NBEAL2: variants seen among roughly 807,000 people sequenced by gnomAD.
The protein encoded by NBEAL2 is neurobeachin-like protein 2.
A neutral mutation model predicts 299.8 loss-of-function variants in NBEAL2; 160 were observed. That is an observed-to-expected ratio of 0.53 (90% CI 0.47 to 0.61). The LOEUF (loss-of-function observed/expected upper bound fraction) is 0.61. NBEAL2 is among the 20% of genes least tolerant of loss of function. NBEAL2 has a pLI of 0.00. For synonymous variants in NBEAL2, 1,493 were observed against 1,542.3 expected, an observed-to-expected ratio of 0.97 and a Z score of 0.75; for missense variants, 3,112 against 3,649.0, an observed-to-expected ratio of 0.85 and a Z score of 3.79.
intron 52 of NBEAL2, 36 bp downstream of exon 52, chr3:47,008,704 G>A (rs2037652268): frequency 1.9e-6 from 3 of 1,610,994 alleles, no homozygotes; most frequent in Admixed American, 1.7e-5. Context: ...GGCCCCTGAA[G>A]GTGGTGGTCA....
chr3:46,992,824 T>A (rs944462829), intron 10 of NBEAL2, among the ~76,000 whole-genome samples: 1 of 152,224 alleles, frequency 6.6e-6, no homozygotes, highest in Non-Finnish European at 1.5e-5. Flanking sequence ...CTCAGCCACC[T>A]ACCTCATTTC....
intron 52 of NBEAL2, 30 bp from the exon 53 acceptor site, chr3:47,008,959 A>C: frequency 6.3e-7 from 1 of 1,598,382 alleles, no homozygotes; most frequent in South Asian, 1.1e-5. Flanking sequence ...TTGCAGTCGC[A>C]AGTTGGTGTA....
chr3:46,990,356 C>T (rs1005101453), intron 6 of NBEAL2, among the ~76,000 whole-genome samples: 10 of 152,192 alleles, frequency 6.6e-5, no homozygotes, highest in African/African-American at 2.2e-4. Flanking sequence ...CCATCATATC[C>T]CTTGATGTCA....
intron 13 of NBEAL2, 36 bp downstream of exon 13, chr3:46,995,669 G>A (rs781386179): frequency 6.2e-7 from 1 of 1,609,250 alleles, no homozygotes; most frequent in Admixed American, 1.7e-5. Context: ...CCTCCTGCCA[G>A]GGTGAGCAGG....
At chr3:47,002,326 C>T (rs933842817) in intron 31 of NBEAL2, 38 bp downstream of exon 31, 5 of 1,601,642 alleles carry the variant, frequency 3.1e-6, no homozygotes, top group Non-Finnish European at 4.3e-6. Flanking sequence ...GGAGTGGGGG[C>T]TGGGGCCCAC....
chr3:46,997,403 G>A lies in NBEAL2; in HGVS notation c.2794G>A (p.Gly932Ser). 6.2e-7 allele frequency: 1 copy of A among 1,610,934 alleles called. No homozygotes were observed. Among genetic ancestry groups the A allele is most frequent in the Non-Finnish European group, 8.5e-7 (1 of 1,179,188 alleles). ...ACTGACCTCTGGTCACAACACCCAG[G>A]GCCTGGTTCTCCCATTGGGTAAATC... ...PELTSGHNTQ[G>S]LVLPLGKSSE... is the part of the protein sequence containing the mutation. The change falls in exon 19 of 54, where the codon GGC (glycine) becomes AGC (serine). Residue 932 changes from glycine to serine, a missense_variant. Transcript: ENST00000450053.
chr3:47,003,284 G>A lies in NBEAL2; in HGVS notation c.5695G>A (p.Asp1899Asn). The A allele has an allele frequency of 1.9e-6, 3 of 1,612,990 alleles. No homozygotes were observed. Among genetic ancestry groups the A allele is most frequent in the South Asian group, 1.1e-5 (1 of 91,084 alleles). ...GCTGCAGGAGGACCAGCTCGGCGAGGACGAGCTGGCTGAGCTGGAGACCCC... is the reference window on the plus strand; with the variant it reads ...GCTGCAGGAGGACCAGCTCGGCGAGAACGAGCTGGCTGAGCTGGAGACCCC... The part of the protein sequence containing the change: ...ELLQEDQLGE[D>N]ELAELETPME... The change falls in exon 35 of 54, where the codon GAC (aspartate) becomes AAC (asparagine). Residue 1899 changes from aspartate to asparagine, a missense_variant. By Grantham distance (23) the Asp-to-Asn change is conservative (BLOSUM62 1). This residue lies in a region of NBEAL2 where 2,243 missense variants were observed against 2,538.1 expected (regional missense o/e 0.88). Coordinates refer to ENST00000450053, the MANE Select transcript of NBEAL2 (RefSeq NM_015175.3). The surrounding 1 kb of genome is among the most constrained non-coding windows in gnomAD (Gnocchi z 7.0).
At chr3:47,007,449 T>A in intron 47 of NBEAL2, 76 bp from the exon 48 acceptor site, 1 of 1,559,564 alleles carries the variant, frequency 6.4e-7, no homozygotes, top group East Asian at 2.4e-5. Flanking sequence ...AGGGGAAAGG[T>A]CTGGCCAGGC....
Position 47,002,195 on chromosome 3 carries a change from C to T in NBEAL2, c.5058C>T (p.Pro1686=). 2 of 1,525,288 alleles carry T rather than the reference C, an allele frequency of 1.3e-6. No homozygotes were observed. Among genetic ancestry groups the T allele is most frequent in the Admixed American group, 2.1e-5 (1 of 47,500 alleles). 94.5% of individuals were successfully genotyped at this position (1,525,288 alleles called of 1,614,324 possible). A position where few individuals can be genotyped will look rare whatever the true frequency, so the allele number is the denominator to read the frequency against. The change falls in exon 31 of 54, where the codon CCC becomes CCT. Residue 1686 remains proline, a synonymous_variant. Transcript: ENST00000450053. ...YEPLGLQWGL[P]SLPPTNGSPT... is the part of the protein sequence containing the mutation. ...CGCTGGGGCTGCAGTGGGGACTGCC[C>T]TCCCTGCCACCCACCAATGGCAGCC... is the stretch of plus-strand genomic sequence containing the variant.
chr3:46,991,263 C>G lies in NBEAL2; in HGVS notation c.601C>G (p.Arg201Gly). 1 of 1,608,156 alleles carries G rather than the reference C, an allele frequency of 6.2e-7. No homozygotes were observed. ...CCACTTGCCTCCCATACTGCTGTTA[C>G]GTCTCATCCACCTCTTCTGCGCCGT... ...ADHLPPILLL[R>G]LIHLFCAVLA... Residue 201 changes from arginine to glycine, a missense_variant, in exon 7 of 54, where the codon CGT becomes GGT. By Grantham distance (125) the Arg-to-Gly change is moderately radical (BLOSUM62 -2). Coordinates refer to ENST00000450053, the MANE Select transcript of NBEAL2 (RefSeq NM_015175.3). This position sits in a 1 kb window ranked among gnomAD's most constrained non-coding sequence, Gnocchi z 6.2.
Position 46,996,480 on chromosome 3 carries a change from C to T in NBEAL2, c.2361C>T (p.Gly787=). Residue 787 remains glycine, a synonymous_variant, in exon 16 of 54, where the codon GGC becomes GGT. Transcript: ENST00000450053. ...GCAGCATCGACTCTACCCTCGCAGG[C>T]ACCCAGGACACTCGGTGGGGCAGCC... The part of the protein sequence containing the change: ...QEGSIDSTLA[G]TQDTRWGSPT... The T allele has an allele frequency of 1.9e-6, 3 of 1,593,414 alleles. No homozygotes were observed. Among genetic ancestry groups the T allele is most frequent in the Non-Finnish European group, 1.7e-6 (2 of 1,168,266 alleles).
Position 46,995,219 on chromosome 3 carries a change from T to C in NBEAL2, c.1484T>C (p.Val495Ala), listed in dbSNP as rs1575599042. Residue 495 changes from valine (V) to alanine (A), a missense_variant, in exon 13 of 54, where the codon GTG becomes GCG. By Grantham distance (64) the Val-to-Ala change is moderately conservative. Around this residue, in one of 3 missense-constraint regions of NBEAL2, gnomAD observed 2,243 missense variants for 2,538.1 expected, o/e 0.88. Transcript: ENST00000450053. ...SRATCVQAGL[V>A]GCLLETLSTG... ...GCCACCTGTGTGCAGGCAGGCCTGG[T>C]GGGCTGCCTGTTGGAGACACTCAGC... 3.2e-6 allele frequency: 5 copies of C among 1,555,212 alleles called. No homozygotes were observed. The highest frequency in any genetic ancestry group is 1.4e-5 in the African/African-American group (1 of 73,442).
intron 47 of NBEAL2, 74 bp downstream of exon 47, chr3:47,007,424 A>G: frequency 6.4e-7 from 1 of 1,551,460 alleles, no homozygotes; most frequent in East Asian, 2.4e-5. Flanking sequence ...CCTAATCAGA[A>G]TGTAGGCCAG....
rs765001708 is a variant in NBEAL2, at chr3:46,996,541, A to G, written c.2422A>G (p.Ile808Val). ...SLEGELGAVAIFHEALQATAL... is the reference protein window; with the variant it reads ...SLEGELGAVAVFHEALQATAL... The stretch of plus-strand genomic sequence containing the variant: ...GGAGGGTGAGCTGGGGGCTGTGGCC[A>G]TCTTTCACGAAGCCCTGCAGGCGAC... Residue 808 changes from isoleucine to valine, a missense_variant, in exon 16 of 54, where the codon ATC becomes GTC. By Grantham distance (29) the Ile-to-Val change is conservative (BLOSUM62 3). Around this residue, in one of 3 missense-constraint regions of NBEAL2, gnomAD observed 2,243 missense variants for 2,538.1 expected, o/e 0.88. Transcript: ENST00000450053. The G allele has an allele frequency of 9.7e-6, 15 of 1,545,770 alleles. No individual in the cohort carries two copies. The highest frequency in any genetic ancestry group is 9.6e-5 in the Admixed American group (5 of 52,132).
chr3:47,009,040 G>C lies in NBEAL2; in HGVS notation c.8079G>C (p.Val2693=). The change falls in exon 53 of 54, where the codon GTG becomes GTC. Residue 2693 remains valine (V), a synonymous_variant. Coordinates refer to ENST00000450053, the MANE Select transcript of NBEAL2 (RefSeq NM_015175.3). ...CCATGAAGGTGGCCATCCGCAGCGT[G>C]GCCGTGACCAAGGAGCGCAGCCACG... ...PLPMKVAIRS[V]AVTKERSHVL... The C allele has an allele frequency of 6.2e-7, 1 of 1,601,648 alleles. No individual in the cohort carries two copies. The highest frequency in any genetic ancestry group is 8.5e-7 in the Non-Finnish European group (1 of 1,179,810).
chr3:46,988,882 G>A lies in NBEAL2; in HGVS notation c.181G>A (p.Asp61Asn). 6.2e-7 allele frequency: 1 copy of A among 1,612,210 alleles called. No homozygotes were observed. The highest frequency in any genetic ancestry group is 8.5e-7 in the Non-Finnish European group (1 of 1,178,704). Reference protein sequence around the residue: ...AGAEVPLLPLDELHVLAEQLH... With the variant: ...AGAEVPLLPLNELHVLAEQLH... ...TGCAGAGGTCCCGCTGCTACCACTG[G>A]ATGAGCTGCATGTGCTGGCCGAACA... The change falls in exon 3 of 54, where the codon GAT (aspartate) becomes AAT (asparagine). Residue 61 changes from aspartate (D) to asparagine (N), a missense_variant. Physicochemically the swap from Asp to Asn is conservative, Grantham distance 23. This residue lies in a region of NBEAL2 where 2,243 missense variants were observed against 2,538.1 expected (regional missense o/e 0.88). Coordinates refer to ENST00000450053, the MANE Select transcript of NBEAL2 (RefSeq NM_015175.3). This position sits in a 1 kb window ranked among gnomAD's most constrained non-coding sequence, Gnocchi z 4.4.
chr3:46,996,194 C>G, intron 15 of NBEAL2, 77 bp from the exon 16 acceptor site: 1 of 1,578,968 alleles, frequency 6.3e-7, no homozygotes. Context: ...CCATGGGGGT[C>G]ACTGTGAGGA....
chr3:46,998,459 T>A lies in NBEAL2; in HGVS notation c.3119-4T>A. ...GCCTGAGCCCTCTGCTCATTCCCGC[T>A]CAGGTCACATCCAGTACATGTCCAG... On this transcript the variant is annotated splice_region_variant and splice_polypyrimidine_tract_variant and intron_variant, in intron 21 of 53. Transcript: ENST00000450053. The A allele has an allele frequency of 1.2e-6, 2 of 1,611,330 alleles. No homozygotes were observed. The highest frequency in any genetic ancestry group is 1.7e-6 in the Non-Finnish European group (2 of 1,178,946).
Position 47,007,548 on chromosome 3 carries a change from C to G in NBEAL2, c.7358C>G (p.Pro2453Arg), listed in dbSNP as rs752268439. The G allele has an allele frequency of 6.2e-7, 1 of 1,612,286 alleles. No individual in the cohort carries two copies. Among genetic ancestry groups the G allele is most frequent in the East Asian group, 2.2e-5 (1 of 44,866 alleles). ...AGGACGCAGCGACTGCTGAGTGGCC[C>G]GTGGGTGCCAGGCAGTGGTGTGAGT... ...SHKTQRLLSG[P>R]WVPGSGVSGQ... The change falls in exon 48 of 54, where the codon CCG becomes CGG. Residue 2453 changes from proline (P) to arginine (R), a missense_variant. Transcript: ENST00000450053.
Sources: allele counts gnomAD v4.1 joint callset (sites outside exome capture counted in the v4.1 genomes callset), GRCh38; gene constraint gnomAD v4.1.1; regional missense constraint gnomAD v4.1.1; non-coding constraint Gnocchi (gnomAD v3.1); transcripts MANE v1.5; gene names NCBI Gene and HGNC (gene_info 2026-07-23, HGNC 2026-07-21).